CACHD1: variants seen among roughly 807,000 people sequenced by gnomAD.
CACHD1 encodes the protein cache domain containing 1.
Under a neutral mutation model 138.7 loss-of-function variants are expected in CACHD1, and 71 were observed. The observed-to-expected ratio is 0.51, with a 90% CI of 0.42 to 0.62. The LOEUF (loss-of-function observed/expected upper bound fraction) is 0.62, where lower values mean the gene tolerates loss of function less well. Among genes scored for constraint, CACHD1 ranks in the 20% least tolerant of loss-of-function variants. CACHD1 has a pLI of 0.00. For missense variants in CACHD1, 1,389 were observed against 1,625.3 expected (o/e 0.85, Z 2.50); for synonymous variants, 578 against 591.5 (o/e 0.98, Z 0.33).
At chr1:64,672,969 G>A (rs774440815) in intron 17 of CACHD1, among the ~76,000 whole-genome samples, 189 bp from the exon 18 acceptor site, 5 of 151,956 alleles carry the variant, frequency 3.3e-5, no homozygotes, top group South Asian at 2.1e-4. Context: ...TAGGTGACCC[G>A]CAACCTCAAA....
chr1:64,629,438 G>A lies in CACHD1; in HGVS notation c.601G>A (p.Ala201Thr). Residue 201 changes from alanine (A) to threonine (T), a missense_variant, in exon 5 of 27, where the codon GCA (alanine) becomes ACA (threonine). Ala to Thr is a moderately conservative substitution (Grantham distance 58). This residue lies in a region of CACHD1 where 1,000 missense variants were observed against 1,114.7 expected (regional missense o/e 0.90). Transcript: ENST00000651257. ...AGAAGGAATTTTCACTGTTTTCCCAGCACACAAGTTCCGGTGTAAGGGCAG... is the reference window on the plus strand; with the variant it reads ...AGAAGGAATTTTCACTGTTTTCCCAACACACAAGTTCCGGTGTAAGGGCAG... ...SEEGIFTVFPAHKFRCKGSYE... is the reference protein window; with the variant it reads ...SEEGIFTVFPTHKFRCKGSYE... 1 of 1,614,118 alleles carries A rather than the reference G, an allele frequency of 6.2e-7. No homozygotes were observed. Among genetic ancestry groups the A allele is most frequent in the Non-Finnish European group, 8.5e-7 (1 of 1,179,974 alleles).
intron 15 of CACHD1, among the ~76,000 whole-genome samples, chr1:64,665,171 A>C (rs1325826493): frequency 6.6e-6 from 1 of 152,078 alleles, no homozygotes; most frequent in Non-Finnish European, 1.5e-5. Flanking sequence ...CAGAAAATCT[A>C]CCTAGCCTCT....
intron 1 of CACHD1, among the ~76,000 whole-genome samples, chr1:64,527,815 T>A (rs1646552702): frequency 6.6e-6 from 1 of 152,200 alleles, no homozygotes; most frequent in African/African-American, 2.4e-5. Flanking sequence ...GATCTTAGAG[T>A]ACTTGCTTTG....
Position 64,470,427 on chromosome 1 carries a change from C to T in CACHD1, c.-318C>T, listed in dbSNP as rs1298883016. Among the ~76,000 whole-genome samples, 1 of 151,572 alleles carries T rather than the reference C, an allele frequency of 6.6e-6. No individual in the cohort carries two copies. Among genetic ancestry groups the T allele is most frequent in the Non-Finnish European group, 1.5e-5 (1 of 67,832 alleles). ...GACTGTCAGCCCCGGGGCCCGCGCA[C>T]CCCGGCCTGCGGGCGCCCCTGCTCT... is the stretch of plus-strand genomic sequence containing the variant. On this transcript the variant is annotated 5_prime_UTR_variant, in exon 1 of 27. Coordinates refer to ENST00000651257, the MANE Select transcript of CACHD1 (RefSeq NM_020925.4). This position sits in a 1 kb window ranked among gnomAD's most constrained non-coding sequence, Gnocchi z 5.2.
chr1:64,624,626 G>C (rs1035172075), intron 4 of CACHD1, among the ~76,000 whole-genome samples: 1 of 152,178 alleles, frequency 6.6e-6, no homozygotes, highest in African/African-American at 2.4e-5. Flanking sequence ...AGAGAGGCGA[G>C]AAGACAGGCA....
chr1:64,568,112 A>G (rs1646897409), intron 2 of CACHD1, among the ~76,000 whole-genome samples: 1 of 152,150 alleles, frequency 6.6e-6, no homozygotes, highest in Admixed American at 6.5e-5. Flanking sequence ...ACCTTAAGAC[A>G]GTTGGTTATA....
At chr1:64,596,931 GT>G (rs771973872) in intron 3 of CACHD1, among the ~76,000 whole-genome samples, 15 of 152,078 alleles carry the variant, frequency 9.9e-5, no homozygotes, top group Admixed American at 3.3e-4. Flanking sequence ...CACTGTGGGT[GT>G]GATTTTTATA....
chr1:64,640,692 GACAC>G (rs35423621), intron 7 of CACHD1, among the ~76,000 whole-genome samples: 9,408 of 143,682 alleles, frequency 0.065, 590 homozygotes, highest in African/African-American at 0.16. Context: ...TATATATACA[GACAC>G]ACACACACAC....
At chr1:64,638,332 C>T (rs758820031) in intron 7 of CACHD1, among the ~76,000 whole-genome samples, 7 of 152,150 alleles carry the variant, frequency 4.6e-5, no homozygotes, top group African/African-American at 1.4e-4. Context: ...CTACTCTTGA[C>T]GATTGTTGTA....
chr1:64,650,568 T>C (rs1649056561), intron 9 of CACHD1, among the ~76,000 whole-genome samples: 1 of 152,240 alleles, frequency 6.6e-6, no homozygotes, highest in African/African-American at 2.4e-5. Flanking sequence ...TTGCATGACT[T>C]TTCAGATGCT....
At chr1:64,493,686 C>T (rs1557461290) in intron 1 of CACHD1, among the ~76,000 whole-genome samples, 1 of 152,202 alleles carries the variant, frequency 6.6e-6, no homozygotes, top group Non-Finnish European at 1.5e-5. Context: ...TCTATACCTT[C>T]TTTTCCCCAG....
chr1:64,531,025 G>A (rs936006736), intron 1 of CACHD1, among the ~76,000 whole-genome samples: 1 of 148,146 alleles, frequency 6.8e-6, no homozygotes, highest in Non-Finnish European at 1.5e-5. Context: ...AAAAATCCAA[G>A]GAAAACCTTA....
intron 1 of CACHD1, among the ~76,000 whole-genome samples, chr1:64,516,165 C>G (rs1646457708): frequency 1.3e-5 from 2 of 152,212 alleles, no homozygotes; most frequent in Admixed American, 6.5e-5. Context: ...ATGGGTTCTT[C>G]TTCAGCAATG....
chr1:64,651,164 AAAC>A (rs1278554241), intron 9 of CACHD1, among the ~76,000 whole-genome samples: 3 of 152,188 alleles, frequency 2.0e-5, no homozygotes, highest in South Asian at 2.1e-4. Flanking sequence ...TTTTATAAAA[AAAC>A]AACAACAAAA....
rs149322683 is a variant in CACHD1, at chr1:64,588,420, CT to C, written c.410+6132del. Among the ~76,000 whole-genome samples, 844 of 145,024 alleles carry C rather than the reference CT, an allele frequency of 5.8e-3. 9 individuals are homozygous for C. Among genetic ancestry groups the C allele is most frequent in the African/African-American group, 0.012 (471 of 39,852 alleles). Reference sequence around the variant, plus strand: ...TGGCTTTTATATAAACAAATCAATACTTTTTTTTTTTTTTTTCTTAAGACAG... The same window carrying C: ...TGGCTTTTATATAAACAAATCAATACTTTTTTTTTTTTTTTCTTAAGACAG... On this transcript the variant is annotated intron_variant, in intron 3 of 26. Coordinates refer to ENST00000651257, the MANE Select transcript of CACHD1 (RefSeq NM_020925.4).
In CACHD1 at chr1:64,522,892, T is replaced by A. The variant is rs552310010; in HGVS notation, c.199-27702T>A. ...GGTATCCCTTCCAGGTGAAAGAACA[T>A]TGCATCTTGGCTGCAAGAGAAAGAA... On this transcript the variant is annotated intron_variant, in intron 1 of 26. Coordinates refer to ENST00000651257, the MANE Select transcript of CACHD1 (RefSeq NM_020925.4). 5.9e-5 allele frequency among the ~76,000 whole-genome samples: 9 copies of A among 152,312 alleles called. No homozygotes were observed. The East Asian group carries it at 1.2e-3, about 20-fold the overall frequency.
chr1:64,522,074 CTT>C, intron 1 of CACHD1, among the ~76,000 whole-genome samples: 2 of 152,262 alleles, frequency 1.3e-5, no homozygotes, highest in South Asian at 4.1e-4. Flanking sequence ...TCTTCTAAAA[CTT>C]TTATAGATTT....
chr1:64,568,757 T>G (rs777213247), intron 2 of CACHD1, among the ~76,000 whole-genome samples: 2 of 152,196 alleles, frequency 1.3e-5, no homozygotes, highest in Non-Finnish European at 2.9e-5. Context: ...TAAGCTGAGA[T>G]AATCCTGCTT....
At chr1:64,683,837 G>A (rs1030931341) in intron 26 of CACHD1, among the ~76,000 whole-genome samples, 1 of 152,128 alleles carries the variant, frequency 6.6e-6, no homozygotes, top group Non-Finnish European at 1.5e-5. Flanking sequence ...CCAGTACGTG[G>A]GTCACTAAAA....
Sources: gnomAD v4.1 joint callset for allele counts (sites outside exome capture counted in the v4.1 genomes callset) on GRCh38, gnomAD v4.1.1 for gene constraint, gnomAD v4.1.1 regional missense constraint, Gnocchi (gnomAD v3.1) non-coding constraint, MANE v1.5 for transcripts, NCBI Gene and HGNC (gene_info 2026-07-23, HGNC 2026-07-21) for gene names.